Variants in GVQW3 observed in about 807,000 individuals in gnomAD.
GVQW3 encodes the protein GVQW motif containing 3, also known as protein GVQW3.
GVQW3 carries 7 observed loss-of-function variants against 12.5 expected under a neutral mutation model. That is an observed-to-expected ratio of 0.56 (90% CI 0.32 to 1.05). The LOEUF is 1.05. Among genes scored for constraint, GVQW3 ranks in the 50% least tolerant of loss-of-function variants. The pLI is 0.04. For missense variants in GVQW3, 188 were observed against 190.8 expected (o/e 0.99, Z 0.09); for synonymous variants, 71 against 67.2 (o/e 1.06, Z -0.28).
chr11:76,390,655 C>G (rs1378897378), intron 1 of GVQW3, among the ~76,000 whole-genome samples: 2 of 151,162 alleles, frequency 1.3e-5, no homozygotes, highest in African/African-American at 2.5e-5. Flanking sequence ...AACCCCGTCT[C>G]TACTAAAAAA....
chr11:76,393,888 GTTA>G (rs35323169), intron 1 of GVQW3, among the ~76,000 whole-genome samples: 24,716 of 150,486 alleles, frequency 0.16, 2,938 homozygotes, highest in African/African-American at 0.33. Context: ...TATACTCTTA[GTTA>G]TTATTATTAT....
At chr11:76,399,197 T>C (rs1199277675) in intron 1 of GVQW3, among the ~76,000 whole-genome samples, 1 of 152,184 alleles carries the variant, frequency 6.6e-6, no homozygotes, top group East Asian at 1.9e-4. Context: ...TGTAGTGCAG[T>C]GGCATGATCT....
In GVQW3 at chr11:76,405,669, T is replaced by G. The variant is rs868124; in HGVS notation, c.*1911T>G. On this transcript the variant is annotated 3_prime_UTR_variant, in exon 2 of 2. Coordinates refer to ENST00000529331, the MANE Select transcript of GVQW3 (RefSeq NM_001347885.2). Reference sequence around the variant, plus strand: ...CCAAGTGGGCTTGATGAAGAAAGAATAGGGAAGGAGATCAGATCAGTACTG... The same window carrying G: ...CCAAGTGGGCTTGATGAAGAAAGAAGAGGGAAGGAGATCAGATCAGTACTG... 60,707 of 152,118 alleles carry G rather than the reference T, an allele frequency of 0.4. 13,099 individuals carry two copies. Among genetic ancestry groups the G allele is most frequent in the African/African-American group, 0.54 (22,499 of 41,458 alleles). 9.4% of individuals were successfully genotyped at this position (152,118 alleles called of 1,614,324 possible).
intron 1 of GVQW3, among the ~76,000 whole-genome samples, chr11:76,386,117 A>T (rs1946831202): frequency 6.6e-6 from 1 of 152,136 alleles, no homozygotes; most frequent in Admixed American, 6.5e-5. Flanking sequence ...CCCCACGCTC[A>T]TTCTAATTCA....
At chr11:76,392,271 T>C (rs1946899900) in intron 1 of GVQW3, 1 of 152,254 alleles carries the variant, frequency 6.6e-6, no homozygotes, top group African/African-American at 2.4e-5. Context: ...ATGGTAACTG[T>C]AGCTCTTCTT....
At chr11:76,387,171 C>G (rs979978598) in intron 1 of GVQW3, among the ~76,000 whole-genome samples, 1 of 152,142 alleles carries the variant, frequency 6.6e-6, no homozygotes, top group East Asian at 1.9e-4. Context: ...CACGGTGGCT[C>G]AGACCTGTAA....
chr11:76,390,332 C>T (rs1008715747), intron 1 of GVQW3, among the ~76,000 whole-genome samples: 8 of 152,138 alleles, frequency 5.3e-5, no homozygotes, highest in Non-Finnish European at 1.2e-4. Context: ...TTGGGCAGTT[C>T]ATTTGTACCC....
In GVQW3 at chr11:76,407,930, C is replaced by A. The variant is rs1460714816; in HGVS notation, c.*4172C>A. ...CATGCATTATATAGTCCCATTTTTA[C>A]TTTCTGTATGCTAAAACAAACCCCT... is the stretch of plus-strand genomic sequence containing the variant. On this transcript the variant is annotated 3_prime_UTR_variant, in exon 2 of 2. Coordinates refer to ENST00000529331, the MANE Select transcript of GVQW3 (RefSeq NM_001347885.2). 9 of 88,100 alleles carry A rather than the reference C, an allele frequency of 1.0e-4. No individual in the cohort carries two copies. The East Asian group carries it at 3.2e-3, about 31-fold the overall frequency. 5.5% of individuals were successfully genotyped at this position (88,100 alleles called of 1,614,324 possible).
In GVQW3 at chr11:76,407,641, ATTTCTTAGGAATC is replaced by A. The variant is rs1459918097; in HGVS notation, c.*3895_*3907del. On this transcript the variant is annotated 3_prime_UTR_variant, in exon 2 of 2. Coordinates refer to ENST00000529331, the MANE Select transcript of GVQW3 (RefSeq NM_001347885.2). ...GTTGACCTAGGAATCTTCTAGGACG[ATTTCTTAGGAATC>A]TTTCTTAGGAAAACAGTCAGAGATG... 6.7e-6 allele frequency: 1 copy of A among 149,050 alleles called. No homozygotes were observed. Among genetic ancestry groups the A allele is most frequent in the Non-Finnish European group, 1.5e-5 (1 of 67,850 alleles). 9.2% of individuals were successfully genotyped at this position (149,050 alleles called of 1,614,324 possible).
intron 1 of GVQW3, among the ~76,000 whole-genome samples, chr11:76,385,494 C>T (rs1946824240): frequency 6.6e-6 from 1 of 152,196 alleles, no homozygotes. Flanking sequence ...TCAGTTTATT[C>T]TTCACAGTTT....
At position 76,403,713 on chromosome 11, in the gene GVQW3, G is replaced by A. The variant is rs1231398538; in HGVS notation, c.519G>A (p.Gly173=). 2 of 485,688 alleles carry A rather than the reference G, an allele frequency of 4.1e-6. No homozygotes were observed. The highest frequency in any genetic ancestry group is 2.0e-5 in the African/African-American group (1 of 50,456). The allele number at this position is 485,688 out of a possible 1,614,324, so 30.1% of individuals were successfully genotyped here. Residue 173 remains glycine, a synonymous_variant, in exon 2 of 2, where the codon GGG becomes GGA. Coordinates refer to ENST00000529331, the MANE Select transcript of GVQW3 (RefSeq NM_001347885.2). ...PRLVSNSLSQ[G]ILPPWPPKAL... The stretch of plus-strand genomic sequence containing the variant: ...TGGTCTCGAACTCCTTGTCTCAAGG[G>A]ATCCTCCCACCTTGGCCTCCCAAAG...
chr11:76,404,292 G>A lies in GVQW3; in HGVS notation c.*534G>A. 1 of 295,586 alleles carries A rather than the reference G, an allele frequency of 3.4e-6. No homozygotes were observed. Among genetic ancestry groups the A allele is most frequent in the Non-Finnish European group, 6.2e-6 (1 of 161,698 alleles). The allele number at this position is 295,586 out of a possible 1,614,324, so 18.3% of individuals were successfully genotyped here. ...AATAAGAAAACTGAAGCTCAGAAAGGTTGTCTAAACTGCCAAAGCCATAGA... is the reference window on the plus strand; with the variant it reads ...AATAAGAAAACTGAAGCTCAGAAAGATTGTCTAAACTGCCAAAGCCATAGA... On this transcript the variant is annotated 3_prime_UTR_variant, in exon 2 of 2. Coordinates refer to ENST00000529331, the MANE Select transcript of GVQW3 (RefSeq NM_001347885.2).
In GVQW3 at chr11:76,407,066, A is replaced by G. The variant is rs1766569769; in HGVS notation, c.*3308A>G. ...TAAATAAATATGCCCTCCCAGGTTG[A>G]CATCTTGGAAGAGGATAACTCTAAG... On this transcript the variant is annotated 3_prime_UTR_variant, in exon 2 of 2. Transcript: ENST00000529331. 2.0e-5 allele frequency: 3 copies of G among 152,164 alleles called. No individual in the cohort carries two copies. Among genetic ancestry groups the G allele is most frequent in the Non-Finnish European group, 1.5e-5 (1 of 68,032 alleles). 9.4% of individuals were successfully genotyped at this position (152,164 alleles called of 1,614,324 possible).
rs1245974124 is a variant in GVQW3 at position 76,407,208 on chromosome 11, A to G, written c.*3450A>G. On this transcript the variant is annotated 3_prime_UTR_variant, in exon 2 of 2. Coordinates refer to ENST00000529331, the MANE Select transcript of GVQW3 (RefSeq NM_001347885.2). ...GGGCTTATAATGTTGGTCAGGTGAG[A>G]CATGTTGCATTGGTGAAATTATAAA... 1 of 152,114 alleles carries G rather than the reference A, an allele frequency of 6.6e-6. No individual in the cohort carries two copies. Among genetic ancestry groups the G allele is most frequent in the Non-Finnish European group, 1.5e-5 (1 of 68,022 alleles). The allele number at this position is 152,114 out of a possible 1,614,324, so 9.4% of individuals were successfully genotyped here. A position where few individuals can be genotyped will look rare whatever the true frequency, so the allele number is the denominator to read the frequency against.
downstream of GVQW3, among the ~76,000 whole-genome samples, chr11:76,409,037 A>G (rs931563254): frequency 1.3e-5 from 2 of 152,206 alleles, no homozygotes; most frequent in African/African-American, 4.8e-5. Flanking sequence ...CCTCTGGCCT[A>G]TGCTTCAGGC....
rs1240688962 is a variant in GVQW3 at position 76,407,677 on chromosome 11, A to G, written c.*3919A>G. 1 of 151,958 alleles carries G rather than the reference A, an allele frequency of 6.6e-6. No individual in the cohort carries two copies. Among genetic ancestry groups the G allele is most frequent in the Non-Finnish European group, 1.5e-5 (1 of 67,956 alleles). The allele number at this position is 151,958 out of a possible 1,614,324, so 9.4% of individuals were successfully genotyped here. On this transcript the variant is annotated 3_prime_UTR_variant, in exon 2 of 2. Transcript: ENST00000529331. Reference sequence around the variant, plus strand: ...ATCTTTCTTAGGAAAACAGTCAGAGATGCAGACAAAGATTTATGTAACAGC... The same window carrying G: ...ATCTTTCTTAGGAAAACAGTCAGAGGTGCAGACAAAGATTTATGTAACAGC...
chr11:76,382,029 C>T lies in GVQW3; in HGVS notation c.201C>T (p.Val67=), dbSNP rs1409906709. 3.3e-6 allele frequency: 5 copies of T among 1,536,406 alleles called. No individual in the cohort carries two copies. Among genetic ancestry groups the T allele is most frequent in the Non-Finnish European group, 4.4e-6 (5 of 1,147,004 alleles). ...ATGATGCCCGAAGTGGGCGTCCAGT[C>T]ACCCACCGAACAGATGACAATATCC... ...VRDDARSGRP[V]THRTDDNIQK... is the part of the protein sequence containing the mutation. Residue 67 remains valine, a synonymous_variant, in exon 1 of 2, where the codon GTC becomes GTT. Coordinates refer to ENST00000529331, the MANE Select transcript of GVQW3 (RefSeq NM_001347885.2).
chr11:76,398,647 G>C (rs1204558962), intron 1 of GVQW3, among the ~76,000 whole-genome samples: 1 of 152,036 alleles, frequency 6.6e-6, no homozygotes, highest in Non-Finnish European at 1.5e-5. Context: ...TTTTTTTATG[G>C]AGTTGGTCTT....
intron 1 of GVQW3, among the ~76,000 whole-genome samples, 155 bp from the exon 2 acceptor site, chr11:76,403,505 T>G (rs1947010556): frequency 6.6e-6 from 1 of 152,170 alleles, no homozygotes; most frequent in Non-Finnish European, 1.5e-5. Flanking sequence ...GATATTGTTC[T>G]GGCACCCATG....
Sources: gnomAD v4.1 joint callset for allele counts (sites outside exome capture counted in the v4.1 genomes callset) on GRCh38, gnomAD v4.1.1 for gene constraint, MANE v1.5 for transcripts, NCBI Gene and HGNC (gene_info 2026-07-23, HGNC 2026-07-21) for gene names.